Variants in COA1 observed in about 807,000 individuals in gnomAD.
The protein encoded by COA1 is cytochrome c oxidase assembly factor 1 homolog.
A neutral mutation model predicts 16.0 loss-of-function variants in COA1; 13 were observed. That is an observed-to-expected ratio of 0.81 (90% CI 0.53 to 1.29). The LOEUF (loss-of-function observed/expected upper bound fraction) is 1.29, where lower values mean the gene tolerates loss of function less well. Ranked by LOEUF, COA1 falls within the 50% of genes most tolerant of loss-of-function variation. The pLI is 0.00. For missense variants in COA1, 179 were observed against 177.0 expected, an observed-to-expected ratio of 1.01 and a Z score of -0.06; for synonymous variants, 65 against 65.7, an observed-to-expected ratio of 0.99 and a Z score of 0.05.
chr7:43,625,053 A>G (rs1319422767), intron 6 of COA1: 1 of 380,494 alleles, frequency 2.6e-6, no homozygotes, highest in African/African-American at 2.1e-5. Flanking sequence ...TACCCGTTTC[A>G]ATGTTATTTT....
intron 1 of COA1, among the ~76,000 whole-genome samples, chr7:43,715,339 G>A (rs985287130): frequency 9.9e-5 from 15 of 151,960 alleles, no homozygotes; most frequent in Non-Finnish European, 1.6e-4. Context: ...AATGCCAGGC[G>A]TGGTGGCAAG....
chr7:43,723,684 T>C (rs916832298), intron 1 of COA1, among the ~76,000 whole-genome samples: 4 of 151,974 alleles, frequency 2.6e-5, no homozygotes, highest in African/African-American at 7.3e-5. Context: ...CCCAGCACTT[T>C]GGGAGGCTGA....
intron 4 of COA1, 96 bp from the exon 5 acceptor site, chr7:43,640,745 A>G (rs2086846725): frequency 2.3e-6 from 2 of 866,456 alleles, no homozygotes; most frequent in African/African-American, 1.8e-5. Context: ...CTAAGCCTAT[A>G]AAATCCAGTG....
chr7:43,630,352 C>CTA (rs960690408), intron 6 of COA1, among the ~76,000 whole-genome samples: 1 of 152,020 alleles, frequency 6.6e-6, no homozygotes, highest in African/African-American at 2.4e-5. Context: ...AAAAATAAAA[C>CTA]TATTTTTCCT....
At chr7:43,720,995 CAG>C (rs1244334203) in intron 1 of COA1, among the ~76,000 whole-genome samples, 1 of 152,196 alleles carries the variant, frequency 6.6e-6, no homozygotes, top group African/African-American at 2.4e-5. Context: ...CACCAACTAC[CAG>C]AGATGTTATA....
At chr7:43,691,265 AAAAGAAAGAAAGAAAGAAAGAAAG>A (rs775344819) in intron 1 of COA1, among the ~76,000 whole-genome samples, 10 of 45,930 alleles carry the variant, frequency 2.2e-4, no homozygotes, top group Admixed American at 2.9e-4. Flanking sequence ...AGAAAGAAAG[AAAAGAAAGAAAGAAAGAAAGAAAG>A]AAAGAAAGAA....
chr7:43,652,998 CA>C (rs2091103788), intron 1 of COA1, among the ~76,000 whole-genome samples: 1 of 152,034 alleles, frequency 6.6e-6, no homozygotes, highest in Non-Finnish European at 1.5e-5. Context: ...TCCAAAAGGC[CA>C]AAAATAAAGA....
chr7:43,654,359 T>G (rs1394138482), intron 1 of COA1, among the ~76,000 whole-genome samples: 1 of 152,126 alleles, frequency 6.6e-6, no homozygotes, highest in African/African-American at 2.4e-5. Context: ...AAACTCACTC[T>G]AAGAAATAAA....
At chr7:43,614,513 C>T (rs1470962265) in intron 6 of COA1, among the ~76,000 whole-genome samples, 1 of 152,142 alleles carries the variant, frequency 6.6e-6, no homozygotes, top group Non-Finnish European at 1.5e-5. Flanking sequence ...TATATTTCAC[C>T]ATCGAAGAAC....
chr7:43,678,435 A>G (rs1472389496), intron 1 of COA1, among the ~76,000 whole-genome samples: 2 of 152,214 alleles, frequency 1.3e-5, no homozygotes, highest in Non-Finnish European at 1.5e-5. Flanking sequence ...GATTACTTGG[A>G]TATGATATCA....
chr7:43,627,888 C>G (rs566491138), intron 6 of COA1, among the ~76,000 whole-genome samples: 1 of 152,202 alleles, frequency 6.6e-6, no homozygotes, highest in Non-Finnish European at 1.5e-5. Flanking sequence ...TGGAATCATA[C>G]AGCATGCACC....
intron 1 of COA1, among the ~76,000 whole-genome samples, chr7:43,680,283 C>CAAAAAAAA (rs552891478): frequency 9.6e-5 from 7 of 73,010 alleles, no homozygotes; most frequent in Admixed American, 1.3e-4. Flanking sequence ...GACAGGGAGA[C>CAAAAAAAA]AAAAAAAAAA....
At chr7:43,692,247 A>C (rs2094395446) in intron 1 of COA1, among the ~76,000 whole-genome samples, 1 of 152,200 alleles carries the variant, frequency 6.6e-6, no homozygotes, top group South Asian at 2.1e-4. Flanking sequence ...GGCCAGGCGC[A>C]GTGGCTCATG....
Position 43,610,346 on chromosome 7 carries a change from C to CAAAA in COA1, c.*134-855_*134-852dup, listed in dbSNP as rs138859141. 3.3e-3 allele frequency among the ~76,000 whole-genome samples: 135 copies of CAAAA among 41,316 alleles called. 5 individuals are homozygous for CAAAA. Among genetic ancestry groups the CAAAA allele is most frequent in the African/African-American group, 0.013 (118 of 9,230 alleles). 27.1% of individuals were successfully genotyped at this position (41,316 alleles called of 152,430 possible). A position where few individuals can be genotyped will look rare whatever the true frequency, so the allele number is the denominator to read the frequency against. ...TGGGCAACAGAGCGAGACTCCGTCT[C>CAAAA]AAAAAAAAAAAAAAAAAAAAAAAAA... On this transcript the variant is annotated intron_variant and NMD_transcript_variant, in intron 6 of 6. Coordinates refer to the COA1 transcript ENST00000415076.
intron 1 of COA1, among the ~76,000 whole-genome samples, chr7:43,709,633 C>A (rs1345529994): frequency 6.6e-6 from 1 of 152,090 alleles, no homozygotes; most frequent in African/African-American, 2.4e-5. Flanking sequence ...CTATACTAAC[C>A]AAGACTGTTG....
chr7:43,648,989 T>C (rs2153100801), intron 1 of COA1: 1 of 208,960 alleles, frequency 4.8e-6, no homozygotes, highest in Non-Finnish European at 9.6e-6. Flanking sequence ...AGGCTGGACC[T>C]GCAGAAGCAA....
intron 1 of COA1, among the ~76,000 whole-genome samples, chr7:43,688,181 G>A (rs1390642283): frequency 1.3e-5 from 2 of 152,158 alleles, no homozygotes; most frequent in Admixed American, 6.6e-5. Context: ...TCAGCAGCAT[G>A]AAAACAAACT....
At chr7:43,680,952 T>A (rs1213636553) in intron 1 of COA1, among the ~76,000 whole-genome samples, 1 of 152,130 alleles carries the variant, frequency 6.6e-6, no homozygotes, top group Non-Finnish European at 1.5e-5. Flanking sequence ...GCCTGGGCAA[T>A]ATAGTGAGAC....
chr7:43,700,342 T>C (rs1209919496), intron 1 of COA1, among the ~76,000 whole-genome samples: 1 of 152,016 alleles, frequency 6.6e-6, no homozygotes, highest in Non-Finnish European at 1.5e-5. Context: ...TAAATCTGTA[T>C]ATACATAAAA....
Sources: gnomAD v4.1 joint callset for allele counts (sites outside exome capture counted in the v4.1 genomes callset) on GRCh38, gnomAD v4.1.1 for gene constraint, MANE v1.5 for transcripts, NCBI Gene and HGNC (gene_info 2026-07-23, HGNC 2026-07-21) for gene names.